MTARC2: variants seen among roughly 807,000 people sequenced by gnomAD.
MTARC2 encodes mitochondrial amidoxime reducing component 2.
Under a neutral mutation model 35.6 loss-of-function variants are expected in MTARC2, and 27 were observed. That is an observed-to-expected ratio of 0.76 (90% CI 0.56 to 1.04). The LOEUF (loss-of-function observed/expected upper bound fraction) is 1.04, where lower values mean the gene tolerates loss of function less well. Among genes scored for constraint, MTARC2 ranks in the 50% least tolerant of loss-of-function variants. The pLI, the probability that MTARC2 is intolerant of heterozygous loss-of-function variation, is 0.00. For synonymous variants in MTARC2, 158 were observed against 167.1 expected (o/e 0.95, Z 0.42); for missense variants, 412 against 432.5 (o/e 0.95, Z 0.42).
chr1:220,780,926 C>G (rs549296641), intron 6 of MTARC2, among the ~76,000 whole-genome samples: 2 of 151,722 alleles, frequency 1.3e-5, no homozygotes, highest in Admixed American at 1.3e-4. Context: ...ATAATTGAAA[C>G]TGCATAATGA....
intron 6 of MTARC2, 95 bp downstream of exon 6, chr1:220,780,334 G>T: frequency 9.2e-7 from 1 of 1,085,182 alleles, no homozygotes; most frequent in South Asian, 1.7e-5. Context: ...GGGAAGATAT[G>T]ACCTTTCTCT....
chr1:220,784,035 T>C lies in MTARC2; in HGVS notation c.*148T>C, dbSNP rs1672150565. On this transcript the variant is annotated 3_prime_UTR_variant, in exon 8 of 8. Coordinates refer to ENST00000366913, the MANE Select transcript of MTARC2 (RefSeq NM_017898.5). ...TACCCTGGAAAACAATCTCGATTTT[T>C]GACTTTTCAAAGTTGTGTATGCTCC... 1 of 712,382 alleles carries C rather than the reference T, an allele frequency of 1.4e-6. No homozygotes were observed. The highest frequency in any genetic ancestry group is 1.8e-5 in the African/African-American group (1 of 57,048). The allele number at this position is 712,382 out of a possible 1,614,324, so 44.1% of individuals were successfully genotyped here.
rs1671241736 is a variant in MTARC2, at chr1:220,755,139, T to G, written c.446+19T>G. The G allele has an allele frequency of 3.2e-6, 5 of 1,580,100 alleles. No individual in the cohort carries two copies. Among genetic ancestry groups the G allele is most frequent in the Non-Finnish European group, 4.3e-6 (5 of 1,163,802 alleles). On this transcript the variant is annotated intron_variant, in intron 2 of 7. Transcript: ENST00000366913. ...ACTGCAGGTGTTCCGCTTGGGGGCATCCACAGAACTGCAACAGGCTTGGTT... is the reference window on the plus strand; with the variant it reads ...ACTGCAGGTGTTCCGCTTGGGGGCAGCCACAGAACTGCAACAGGCTTGGTT...
At chr1:220,754,591 T>C (rs1251691374) in intron 1 of MTARC2, among the ~76,000 whole-genome samples, 1 of 152,116 alleles carries the variant, frequency 6.6e-6, no homozygotes, top group Non-Finnish European at 1.5e-5. Flanking sequence ...CAGAGACATA[T>C]TTAACAGACC....
chr1:220,771,620 T>C (rs947541109), intron 4 of MTARC2, among the ~76,000 whole-genome samples: 13 of 152,196 alleles, frequency 8.5e-5, no homozygotes, highest in Admixed American at 6.5e-5. Flanking sequence ...TTCAGATAGT[T>C]AATTTTTTTC....
intron 6 of MTARC2, among the ~76,000 whole-genome samples, 182 bp downstream of exon 6, chr1:220,780,421 T>C (rs1672039387): frequency 6.6e-6 from 1 of 152,138 alleles, no homozygotes; most frequent in Non-Finnish European, 1.5e-5. Context: ...TCCTCTCTTT[T>C]TCTGGATGGA....
At chr1:220,759,368 A>G (rs982595894) in intron 2 of MTARC2, among the ~76,000 whole-genome samples, 2 of 152,204 alleles carry the variant, frequency 1.3e-5, no homozygotes, top group Non-Finnish European at 2.9e-5. Context: ...TTTTGTGTCA[A>G]AATGTAGAAG....
chr1:220,754,964 A>T lies in MTARC2; in HGVS notation c.290A>T (p.Lys97Met). 1 of 1,592,892 alleles carries T rather than the reference A, an allele frequency of 6.3e-7. No homozygotes were observed. The highest frequency in any genetic ancestry group is 8.5e-7 in the Non-Finnish European group (1 of 1,170,140). ...CTCTGCAGGTTTTGGCTGGTGATTAAGGAAGATGGACACATGGTCACTGCC... is the reference window on the plus strand; with the variant it reads ...CTCTGCAGGTTTTGGCTGGTGATTATGGAAGATGGACACATGGTCACTGCC... The part of the protein sequence containing the change: ...NLRDRFWLVI[K>M]EDGHMVTARQ... Residue 97 changes from lysine (K) to methionine (M), a missense_variant, in exon 2 of 8, where the codon AAG becomes ATG. Coordinates refer to ENST00000366913, the MANE Select transcript of MTARC2 (RefSeq NM_017898.5).
At chr1:220,755,308 C>A (rs950536574) in intron 2 of MTARC2, among the ~76,000 whole-genome samples, 188 bp downstream of exon 2, 47 of 152,112 alleles carry the variant, frequency 3.1e-4, no homozygotes, top group African/African-American at 1.1e-3. Flanking sequence ...TTTCAGGGTA[C>A]CTAGGATTTG....
chr1:220,748,738 A>AG lies in MTARC2; in HGVS notation c.211dup (p.Val71GlyfsTer7), dbSNP rs1157921489. 6.2e-7 allele frequency: 1 copy of AG among 1,600,428 alleles called. No individual in the cohort carries two copies. Among genetic ancestry groups the AG allele is most frequent in the Admixed American group, 1.7e-5 (1 of 58,918 alleles). ...GGATCTACCCGGTGAAATCCTGCAA[A>AG]GGGGTGCCGGTGAGCGAGGCTGAGT... On this transcript the variant is annotated frameshift_variant, in exon 1 of 8. Coordinates refer to ENST00000366913, the MANE Select transcript of MTARC2 (RefSeq NM_017898.5). LOFTEE classifies it high-confidence loss of function.
Position 220,780,089 on chromosome 1 carries a change from C to T in MTARC2, c.812+10C>T. The T allele has an allele frequency of 1.3e-6, 2 of 1,568,602 alleles. No homozygotes were observed. The highest frequency in any genetic ancestry group is 1.7e-6 in the Non-Finnish European group (2 of 1,164,234). ...TAATGGCATGCCCCAGGTAAGGAGC[C>T]TAGCTAGACCCCAGGACTGTGGTGT... On this transcript the variant is annotated intron_variant, in intron 5 of 7. Transcript: ENST00000366913.
chr1:220,750,615 A>G (rs1452358733), intron 1 of MTARC2, among the ~76,000 whole-genome samples: 2 of 152,234 alleles, frequency 1.3e-5, no homozygotes, highest in African/African-American at 4.8e-5. Context: ...AGCCTGGGGT[A>G]GAGGGAAAGG....
chr1:220,758,266 A>G (rs557041537), intron 2 of MTARC2, among the ~76,000 whole-genome samples: 4 of 152,092 alleles, frequency 2.6e-5, no homozygotes, highest in African/African-American at 4.8e-5. Flanking sequence ...TACAGGCATG[A>G]GCCACCACGC....
intron 4 of MTARC2, among the ~76,000 whole-genome samples, chr1:220,775,122 C>G (rs1671864664): frequency 6.6e-6 from 1 of 152,158 alleles, no homozygotes; most frequent in South Asian, 2.1e-4. Context: ...CAGACAAACA[C>G]CCTCAGTTGT....
At chr1:220,769,447 T>C (rs753093241) in intron 4 of MTARC2, among the ~76,000 whole-genome samples, 5 of 152,136 alleles carry the variant, frequency 3.3e-5, no homozygotes, top group Non-Finnish European at 5.9e-5. Flanking sequence ...TAAACAACAC[T>C]GGTGCCTCCA....
intron 4 of MTARC2, among the ~76,000 whole-genome samples, chr1:220,766,028 G>A (rs766302104): frequency 1.3e-5 from 2 of 152,286 alleles, no homozygotes; most frequent in Non-Finnish European, 2.9e-5. Flanking sequence ...AGCTAGGAGA[G>A]TGCAGGGACC....
chr1:220,773,336 A>G (rs1169989779), intron 4 of MTARC2, among the ~76,000 whole-genome samples: 1 of 152,230 alleles, frequency 6.6e-6, no homozygotes, highest in Non-Finnish European at 1.5e-5. Flanking sequence ...GTGCACCCGG[A>G]GAGGGCATGA....
Position 220,782,074 on chromosome 1 carries a change from C to T in MTARC2, c.*31+142C>T, listed in dbSNP as rs1198842345. 14 of 736,390 alleles carry T rather than the reference C, an allele frequency of 1.9e-5. No homozygotes were observed. In the South Asian group the frequency reaches 2.6e-4, roughly 14 times the overall value. 45.6% of individuals were successfully genotyped at this position (736,390 alleles called of 1,614,324 possible). A position where few individuals can be genotyped will look rare whatever the true frequency, so the allele number is the denominator to read the frequency against. On this transcript the variant is annotated intron_variant, in intron 7 of 7. Coordinates refer to ENST00000366913, the MANE Select transcript of MTARC2 (RefSeq NM_017898.5). ...TTCTGATCTTTGGAGTTGGAAAATGCCCTTAATTTCTGTTCCCTGCAGTAA... is the reference window on the plus strand; with the variant it reads ...TTCTGATCTTTGGAGTTGGAAAATGTCCTTAATTTCTGTTCCCTGCAGTAA...
At chr1:220,755,668 G>A (rs1671258113) in intron 2 of MTARC2, among the ~76,000 whole-genome samples, 1 of 152,132 alleles carries the variant, frequency 6.6e-6, no homozygotes, top group Non-Finnish European at 1.5e-5. Flanking sequence ...AATAAAGGAG[G>A]TGACTGGGAG....
Sources: allele counts gnomAD v4.1 joint callset (sites outside exome capture counted in the v4.1 genomes callset), GRCh38; gene constraint gnomAD v4.1.1; transcripts MANE v1.5; gene names NCBI Gene and HGNC (gene_info 2026-07-23, HGNC 2026-07-21).